SUGT1: variants seen among roughly 807,000 people sequenced by gnomAD.
SUGT1 encodes protein SGT1 homolog.
A neutral mutation model predicts 56.1 loss-of-function variants in SUGT1; 15 were observed. The ratio of observed to expected loss-of-function variants is 0.27; its 90% confidence interval spans 0.18 to 0.41. The LOEUF (loss-of-function observed/expected upper bound fraction) is 0.41, where lower values mean the gene tolerates loss of function less well. Ranked by LOEUF, SUGT1 falls within the 10% of genes least tolerant of loss-of-function variation. The pLI is 1.00. For synonymous variants in SUGT1, 123 were observed against 128.6 expected (o/e 0.96, Z 0.30); for missense variants, 347 against 382.2 (o/e 0.91, Z 0.77).
intron 7 of SUGT1, 63 bp from the exon 8 acceptor site, chr13:52,663,972 G>A (rs1372454017): frequency 1.3e-6 from 2 of 1,488,976 alleles, no homozygotes; most frequent in African/African-American, 2.8e-5. Context: ...TAATAATACA[G>A]TTGCTAAACT....
Position 52,662,660 on chromosome 13 carries a change from A to G in SUGT1, c.340A>G (p.Asn114Asp), listed in dbSNP as rs774003463. ...EGQKLDSADA[N>D]FSVWIKRCQE... ...TTTTTTCTTTCTAGGTGCAGATGCT[A>G]ATTTCAGTGTCTGGATTAAAAGGTG... The change falls in exon 6 of 13, where the codon AAT (asparagine) becomes GAT (aspartate). Residue 114 changes from asparagine to aspartate, a missense_variant. Asn to Asp is a conservative substitution (Grantham distance 23). Transcript: ENST00000310528. The G allele has an allele frequency of 4.3e-6, 7 of 1,613,700 alleles. No individual in the cohort carries two copies. Among genetic ancestry groups the G allele is most frequent in the African/African-American group, 1.3e-5 (1 of 74,914 alleles).
intron 3 of SUGT1, 36 bp downstream of exon 3, chr13:52,657,658 A>G (rs1349462878): frequency 2.6e-6 from 4 of 1,557,926 alleles, no homozygotes; most frequent in Non-Finnish European, 3.5e-6. Context: ...CCCCCTTTTA[A>G]TAAGTTACTT....
At chr13:52,683,399 ATGG>A (rs1316351121) in intron 12 of SUGT1, among the ~76,000 whole-genome samples, 1 of 152,150 alleles carries the variant, frequency 6.6e-6, no homozygotes, top group African/African-American at 2.4e-5. Context: ...GCCTGTTAAT[ATGG>A]TGATTTTATA....
Position 52,695,009 on chromosome 13 carries a change from G to A in SUGT1, c.*7174G>A, listed in dbSNP as rs1963887688. On this transcript the variant is annotated 3_prime_UTR_variant, in exon 13 of 13. Transcript: ENST00000310528. ...AGCCTGCTGGTAGATGTTTTTATGA[G>A]TTAATTCATCAATCTTATTATTCTT... 1 of 152,344 alleles carries A rather than the reference G, an allele frequency of 6.6e-6. No individual in the cohort carries two copies. Among genetic ancestry groups the A allele is most frequent in the Admixed American group, 6.5e-5 (1 of 15,312 alleles). 9.4% of individuals were successfully genotyped at this position (152,344 alleles called of 1,614,324 possible). A position where few individuals can be genotyped will look rare whatever the true frequency, so the allele number is the denominator to read the frequency against.
In SUGT1 at chr13:52,696,111, C is replaced by T. The variant is rs1378192568; in HGVS notation, c.*8276C>T. On this transcript the variant is annotated 3_prime_UTR_variant, in exon 13 of 13. Transcript: ENST00000310528. The stretch of plus-strand genomic sequence containing the variant: ...ACATTACAGTTGGTTCATTTCTTCC[C>T]CCGTGTGACTGAGTTTCTTGAGGGC... The T allele has an allele frequency of 6.6e-6, 1 of 152,226 alleles. No individual in the cohort carries two copies. The highest frequency in any genetic ancestry group is 1.5e-5 in the Non-Finnish European group (1 of 68,090). 9.4% of individuals were successfully genotyped at this position (152,226 alleles called of 1,614,324 possible).
intron 3 of SUGT1, among the ~76,000 whole-genome samples, chr13:52,657,928 A>G (rs577134365): frequency 6.6e-6 from 1 of 152,320 alleles, no homozygotes; most frequent in South Asian, 2.1e-4. Context: ...TTTTTTTTAT[A>G]AAAAAGAATG....
In SUGT1 at chr13:52,696,916, T is replaced by C. The variant is rs1169281770; in HGVS notation, c.*9081T>C. 5.5e-5 allele frequency: 3 copies of C among 54,464 alleles called. No individual in the cohort carries two copies. The highest frequency in any genetic ancestry group is 4.8e-4 in the Admixed American group (2 of 4,152). The allele number at this position is 54,464 out of a possible 1,614,324, so 3.4% of individuals were successfully genotyped here. A position where few individuals can be genotyped will look rare whatever the true frequency, so the allele number is the denominator to read the frequency against. ...AAAACCAGTGTGATATCCAAGTACTTTTTTTTTTTTTTTTTTTTGCTATTT... is the reference window on the plus strand; with the variant it reads ...AAAACCAGTGTGATATCCAAGTACTCTTTTTTTTTTTTTTTTTTGCTATTT... On this transcript the variant is annotated 3_prime_UTR_variant, in exon 13 of 13. Transcript: ENST00000310528.
At chr13:52,668,853 T>C (rs1962821887) in intron 10 of SUGT1, among the ~76,000 whole-genome samples, 1 of 151,632 alleles carries the variant, frequency 6.6e-6, no homozygotes. Flanking sequence ...AAAAAGATTG[T>C]TAATGCATGT....
At chr13:52,680,393 T>C (rs1398819394) in intron 12 of SUGT1, among the ~76,000 whole-genome samples, 3 of 152,220 alleles carry the variant, frequency 2.0e-5, no homozygotes, top group African/African-American at 7.2e-5. Context: ...GTGAGTTAGA[T>C]TGATATGGAG....
At chr13:52,679,571 T>G (rs932479052) in intron 11 of SUGT1, among the ~76,000 whole-genome samples, 2 of 60,576 alleles carry the variant, frequency 3.3e-5, no homozygotes, top group African/African-American at 1.0e-4. Context: ...AAAAGATTTC[T>G]TAGGCATCCT....
In SUGT1 at chr13:52,662,521, A is replaced by T. The variant is rs1962504260; in HGVS notation, c.329-128A>T. 14 of 734,186 alleles carry T rather than the reference A, an allele frequency of 1.9e-5. No homozygotes were observed. The South Asian group carries it at 2.9e-4, about 15-fold the overall frequency. The allele number at this position is 734,186 out of a possible 1,614,324, so 45.5% of individuals were successfully genotyped here. On this transcript the variant is annotated intron_variant, in intron 5 of 12. Transcript: ENST00000310528. ...AGTTGGTGATAAGGTCTGTTAAGAC[A>T]GGTTTTGTTCGCTGCCGACTCCCCA... is the stretch of plus-strand genomic sequence containing the variant.
At position 52,683,744 on chromosome 13, in the gene SUGT1, A is replaced by G. The variant is rs9596669; in HGVS notation, c.900+3589A>G. On this transcript the variant is annotated intron_variant, in intron 12 of 12. Transcript: ENST00000310528. Reference sequence around the variant, plus strand: ...TTTCTTTATTAGGAGATTTACAGTTATGAATTTAGTTAACCTAAAAGTTTT... The same window carrying G: ...TTTCTTTATTAGGAGATTTACAGTTGTGAATTTAGTTAACCTAAAAGTTTT... Among the ~76,000 whole-genome samples the G allele has an allele frequency of 8.5e-3, 1,288 of 152,344 alleles. 25 individuals carry two copies. The highest frequency in any genetic ancestry group is 0.03 in the African/African-American group (1,234 of 41,578).
intron 5 of SUGT1, among the ~76,000 whole-genome samples, chr13:52,662,195 C>G (rs1962488727): frequency 6.6e-6 from 1 of 152,126 alleles, no homozygotes; most frequent in East Asian, 1.9e-4. Flanking sequence ...GAATAGTGGA[C>G]TGAATAGGTA....
At chr13:52,681,849 AAG>A (rs1555274215) in intron 12 of SUGT1, among the ~76,000 whole-genome samples, 1 of 147,120 alleles carries the variant, frequency 6.8e-6, no homozygotes, top group Non-Finnish European at 1.5e-5. Flanking sequence ...AAAAAAAAAA[AAG>A]AGAGAGAGAG....
At chr13:52,680,311 T>G (rs1481732558) in intron 12 of SUGT1, among the ~76,000 whole-genome samples, 156 bp downstream of exon 12, 3 of 152,144 alleles carry the variant, frequency 2.0e-5, no homozygotes, top group African/African-American at 7.2e-5. Flanking sequence ...TAAGAGTAAT[T>G]TTTGAGGAAG....
intron 10 of SUGT1, among the ~76,000 whole-genome samples, chr13:52,671,573 C>T (rs1449725352): frequency 6.6e-6 from 1 of 152,140 alleles, no homozygotes; most frequent in East Asian, 1.9e-4. Flanking sequence ...CCCTAGTTTA[C>T]AGGTAGAGAA....
rs1566205071 is a variant in SUGT1, at chr13:52,691,470, C to G, written c.*3635C>G. The G allele has an allele frequency of 6.6e-6, 1 of 152,172 alleles. No individual in the cohort carries two copies. Among genetic ancestry groups the G allele is most frequent in the Non-Finnish European group, 1.5e-5 (1 of 68,034 alleles). 9.4% of individuals were successfully genotyped at this position (152,172 alleles called of 1,614,324 possible). A position where few individuals can be genotyped will look rare whatever the true frequency, so the allele number is the denominator to read the frequency against. ...GATTATTGATATCTGAGATATATCA[C>G]TGACCCAGAGCAAAATTGCATATTA... On this transcript the variant is annotated 3_prime_UTR_variant, in exon 13 of 13. Coordinates refer to ENST00000310528, the MANE Select transcript of SUGT1 (RefSeq NM_006704.5).
rs928604819 is a variant in SUGT1 at position 52,665,661 on chromosome 13, T to G, written c.447T>G (p.Ser149=). The change falls in exon 9 of 13, where the codon TCT becomes TCG. Residue 149 remains serine, a synonymous_variant. Coordinates refer to ENST00000310528, the MANE Select transcript of SUGT1 (RefSeq NM_006704.5). Reference sequence around the variant, plus strand: ...GGTATGACTGGTATCAAACAGAATCTCAAGTAGTCATTACACTTATGATCA... The same window carrying G: ...GGTATGACTGGTATCAAACAGAATCGCAAGTAGTCATTACACTTATGATCA... ...KIKYDWYQTE[S]QVVITLMIKN... 1 of 1,597,252 alleles carries G rather than the reference T, an allele frequency of 6.3e-7. No individual in the cohort carries two copies. Among genetic ancestry groups the G allele is most frequent in the Admixed American group, 1.8e-5 (1 of 54,300 alleles).
At position 52,685,809 on chromosome 13, in the gene SUGT1, A is replaced by G. The variant is rs561037484; in HGVS notation, c.901-1925A>G. The stretch of plus-strand genomic sequence containing the variant: ...AGATATACAAAATAATCAAAGGGAA[A>G]TGCTAAATTGCCCTGCAGTCTATTA... On this transcript the variant is annotated intron_variant, in intron 12 of 12. Coordinates refer to ENST00000310528, the MANE Select transcript of SUGT1 (RefSeq NM_006704.5). 6.6e-5 allele frequency among the ~76,000 whole-genome samples: 10 copies of G among 152,350 alleles called. No individual in the cohort carries two copies. In the South Asian group the frequency reaches 1.9e-3, roughly 28 times the overall value.
Sources: gnomAD v4.1 joint callset for allele counts (sites outside exome capture counted in the v4.1 genomes callset) on GRCh38, gnomAD v4.1.1 for gene constraint, MANE v1.5 for transcripts, NCBI Gene and HGNC (gene_info 2026-07-23, HGNC 2026-07-21) for gene names.